Variants in CDC42BPB observed in about 807,000 individuals in gnomAD.
CDC42BPB encodes the protein serine/threonine-protein kinase MRCK beta.
Under a neutral mutation model 214.9 loss-of-function variants are expected in CDC42BPB, and 37 were observed. The ratio of observed to expected loss-of-function variants is 0.17; its 90% CI spans 0.13 to 0.23. CDC42BPB has a LOEUF of 0.23. Among genes scored for constraint, CDC42BPB ranks in the 10% least tolerant of loss-of-function variants. The pLI, the probability that CDC42BPB is intolerant of heterozygous loss-of-function variation, is 1.00. For synonymous variants in CDC42BPB, 931 were observed against 884.0 expected, an observed-to-expected ratio of 1.05 and a Z score of -0.94; for missense variants, 1,694 against 2,227.0, an observed-to-expected ratio of 0.76 and a Z score of 4.82.
At chr14:102,973,989 T>C in intron 12 of CDC42BPB, 27 bp downstream of exon 12, 6 of 1,585,152 alleles carry the variant, frequency 3.8e-6, no homozygotes, top group South Asian at 3.4e-5. Flanking sequence ...CCCGTAAGCC[T>C]TTCTCACCCC....
intron 21 of CDC42BPB, among the ~76,000 whole-genome samples, chr14:102,958,743 T>C (rs1047340489): frequency 3.3e-5 from 5 of 152,156 alleles, no homozygotes; most frequent in African/African-American, 1.2e-4. Flanking sequence ...GGTGCCAGAC[T>C]GTTCCCATCA....
In CDC42BPB at chr14:102,944,789, G is replaced by T; in HGVS notation, c.3812-302C>A. On this transcript the variant is annotated intron_variant, in intron 29 of 36. Transcript: ENST00000361246. The surrounding 1 kb of genome is among the most constrained non-coding windows in gnomAD (Gnocchi z 6.6). ...CCCTCAGTGCACCAGGGCTCCAGCT[G>T]GGCAGCGCTTCCACCTGGGTCCTCG... 1 of 500,414 alleles carries T rather than the reference G, an allele frequency of 2.0e-6. No individual in the cohort carries two copies. The highest frequency in any genetic ancestry group is 2.6e-6 in the Non-Finnish European group (1 of 386,910). 31.0% of individuals were successfully genotyped at this position (500,414 alleles called of 1,614,324 possible). A position where few individuals can be genotyped will look rare whatever the true frequency, so the allele number is the denominator to read the frequency against.
intron 19 of CDC42BPB, among the ~76,000 whole-genome samples, chr14:102,963,719 ACT>A (rs1292099125): frequency 6.6e-6 from 1 of 152,212 alleles, no homozygotes; most frequent in African/African-American, 2.4e-5. Context: ...GAGTAACAAG[ACT>A]GCCTACCCTG....
chr14:102,951,870 T>C (rs1022904386), intron 24 of CDC42BPB, among the ~76,000 whole-genome samples: 3 of 152,198 alleles, frequency 2.0e-5, no homozygotes, highest in Non-Finnish European at 2.9e-5. Context: ...TTTAGATAAT[T>C]TGACAGTGGA....
At chr14:102,958,830 G>A (rs1020145687) in intron 21 of CDC42BPB, among the ~76,000 whole-genome samples, 18 of 151,654 alleles carry the variant, frequency 1.2e-4, no homozygotes, top group African/African-American at 1.7e-4. Flanking sequence ...ATTTTTATTC[G>A]CTCTAGTGTG....
chr14:102,974,011 C>T lies in CDC42BPB; in HGVS notation c.1641+5G>A. The T allele has an allele frequency of 6.2e-7, 1 of 1,600,890 alleles. No homozygotes were observed. Among genetic ancestry groups the T allele is most frequent in the Non-Finnish European group, 8.5e-7 (1 of 1,174,572 alleles). ...GCCTTTCTCACCCCAAACTGAGCCA[C>T]CTACCTTGTGCAGCTCCTCCTTCTC... On this transcript the variant is annotated splice_donor_5th_base_variant and intron_variant, in intron 12 of 36. Coordinates refer to ENST00000361246, the MANE Select transcript of CDC42BPB (RefSeq NM_006035.4).
chr14:103,034,571 T>C (rs1049277561), intron 1 of CDC42BPB, among the ~76,000 whole-genome samples: 3 of 152,180 alleles, frequency 2.0e-5, no homozygotes, highest in Admixed American at 1.3e-4. Context: ...CCCAACACTT[T>C]GGGAGGCTGA....
chr14:102,934,489 GCA>G (rs1891547091), intron 36 of CDC42BPB, among the ~76,000 whole-genome samples: 1 of 152,074 alleles, frequency 6.6e-6, no homozygotes. Context: ...AGCCGAGACT[GCA>G]CCACTGCACT....
intron 2 of CDC42BPB, 39 bp downstream of exon 2, chr14:103,012,058 G>T: frequency 7.3e-7 from 1 of 1,369,008 alleles, no homozygotes; most frequent in Non-Finnish European, 1.0e-6. Context: ...TGATGTTTTG[G>T]CAATTTAGGC....
intron 20 of CDC42BPB, among the ~76,000 whole-genome samples, chr14:102,962,432 C>T (rs538885036): frequency 2.6e-5 from 4 of 152,376 alleles, no homozygotes; most frequent in South Asian, 4.1e-4. Flanking sequence ...CCCACGGCAG[C>T]GCACAGTGCA....
At chr14:103,053,379 C>G (rs1888724675) in intron 1 of CDC42BPB, among the ~76,000 whole-genome samples, 1 of 150,982 alleles carries the variant, frequency 6.6e-6, no homozygotes, top group African/African-American at 2.4e-5. Context: ...AAAGAATACA[C>G]ACGCAAAGCT....
Position 102,963,098 on chromosome 14 carries a change from C to T in CDC42BPB, c.2784G>A (p.Leu928=). The change falls in exon 20 of 37, where the codon TTG becomes TTA. Residue 928 remains leucine (L), a synonymous_variant. Coordinates refer to ENST00000361246, the MANE Select transcript of CDC42BPB (RefSeq NM_006035.4). ...TGAATTTTTCTTCCATCTTTTTCTTCAAAATTTCCATTTCTTCTAATAATT... is the reference window on the plus strand; with the variant it reads ...TGAATTTTTCTTCCATCTTTTTCTTTAAAATTTCCATTTCTTCTAATAATT... ...NRELLEEMEI[L]KKKMEEKFRA... 1 of 1,582,524 alleles carries T rather than the reference C, an allele frequency of 6.3e-7. No homozygotes were observed. The highest frequency in any genetic ancestry group is 1.7e-4 in the Middle Eastern group (1 of 5,982).
chr14:102,934,587 C>G (rs1891555092), intron 36 of CDC42BPB, among the ~76,000 whole-genome samples: 1 of 152,016 alleles, frequency 6.6e-6, no homozygotes, highest in African/African-American at 2.4e-5. Flanking sequence ...TGGTGCGCAC[C>G]TGCAACCAAG....
intron 9 of CDC42BPB, 117 bp from the exon 10 acceptor site, chr14:102,976,166 GAGA>G (rs1893733805): frequency 1.3e-6 from 2 of 1,489,850 alleles, no homozygotes; most frequent in East Asian, 4.6e-5. Flanking sequence ...AAAAACACCT[GAGA>G]TAAGACTTTA....
intron 27 of CDC42BPB, among the ~76,000 whole-genome samples, chr14:102,947,393 A>G (rs1030624359): frequency 6.6e-6 from 1 of 152,208 alleles, no homozygotes; most frequent in Non-Finnish European, 1.5e-5. Context: ...TTCATGCCTA[A>G]CCTGCCACAG....
intron 1 of CDC42BPB, among the ~76,000 whole-genome samples, chr14:103,055,608 G>T (rs1300061640): frequency 2.6e-5 from 4 of 152,220 alleles, no homozygotes; most frequent in African/African-American, 9.7e-5. Context: ...TGGTTCCCAC[G>T]GAAATAAAGC....
At chr14:103,039,385 A>C (rs1410076301) in intron 1 of CDC42BPB, among the ~76,000 whole-genome samples, 2 of 152,096 alleles carry the variant, frequency 1.3e-5, no homozygotes, top group Admixed American at 6.6e-5. Context: ...AAAATACAAT[A>C]CTAGCAAACG....
intron 26 of CDC42BPB, 80 bp from the exon 27 acceptor site, chr14:102,947,882 C>A: frequency 6.2e-7 from 1 of 1,601,874 alleles, no homozygotes. Context: ...CCCTGCCCTG[C>A]CCTGCCATGT....
intron 5 of CDC42BPB, among the ~76,000 whole-genome samples, chr14:102,987,159 C>T (rs1181355546): frequency 6.6e-6 from 1 of 152,214 alleles, no homozygotes; most frequent in Non-Finnish European, 1.5e-5. Context: ...GCAAACCGCC[C>T]CATACCCCCA....
Sources: allele counts gnomAD v4.1 joint callset (sites outside exome capture counted in the v4.1 genomes callset), GRCh38; gene constraint gnomAD v4.1.1; non-coding constraint Gnocchi (gnomAD v3.1); transcripts MANE v1.5; gene names NCBI Gene and HGNC (gene_info 2026-07-23, HGNC 2026-07-21).